SCARA3: variants seen among roughly 807,000 people sequenced by gnomAD.
The protein encoded by SCARA3 is cellular stress response gene protein.
Under a neutral mutation model 47.0 loss-of-function variants are expected in SCARA3, and 39 were observed. The ratio of observed to expected loss-of-function variants is 0.83; its 90% CI spans 0.64 to 1.08. The LOEUF (loss-of-function observed/expected upper bound fraction) is 1.08. Ranked by LOEUF, SCARA3 falls within the 50% of genes least tolerant of loss-of-function variation. SCARA3 has a pLI of 0.00. For synonymous variants in SCARA3, 356 were observed against 334.1 expected (o/e 1.07, Z -0.71); for missense variants, 724 against 792.3 (o/e 0.91, Z 1.04).
At chr8:27,679,021 G>A (rs1363466220), downstream of SCARA3, among the ~76,000 whole-genome samples, 1 of 152,128 alleles carries the variant, frequency 6.6e-6, no homozygotes, top group Non-Finnish European at 1.5e-5. Context: ...GAATCATACT[G>A]TATGATTCTC....
the SCARA3 span, among the ~76,000 whole-genome samples, chr8:27,693,979 C>T: frequency 6.6e-6 from 1 of 152,212 alleles, no homozygotes; most frequent in Non-Finnish European, 1.5e-5. Flanking sequence ...TAAAAGCCAG[C>T]TGTATCCAAC....
intron 5 of SCARA3, among the ~76,000 whole-genome samples, chr8:27,663,059 G>GTTCC (rs1801944678): frequency 6.6e-6 from 1 of 152,178 alleles, no homozygotes; most frequent in African/African-American, 2.4e-5. Context: ...TTTCAGTCAT[G>GTTCC]TTCCTTCCAC....
chr8:27,640,479 G>C (rs144112305), intron 1 of SCARA3, among the ~76,000 whole-genome samples: 72 of 152,030 alleles, frequency 4.7e-4, no homozygotes, highest in African/African-American at 1.4e-3. Context: ...TTGACCTCCT[G>C]GGCTCAAGGA....
chr8:27,693,174 A>T, the SCARA3 span, among the ~76,000 whole-genome samples: 5 of 151,818 alleles, frequency 3.3e-5, no homozygotes, highest in Non-Finnish European at 4.4e-5. Flanking sequence ...TCCACCTATG[A>T]CCTGAAACCC....
At chr8:27,709,229 G>A in the SCARA3 span, among the ~76,000 whole-genome samples, 3 of 152,206 alleles carry the variant, frequency 2.0e-5, no homozygotes, top group African/African-American at 7.2e-5. Flanking sequence ...GTCTTGTTGG[G>A]TGCAGGTTTC....
At chr8:27,729,048 G>A in the SCARA3 span, among the ~76,000 whole-genome samples, 1 of 152,178 alleles carries the variant, frequency 6.6e-6, no homozygotes, top group Admixed American at 6.5e-5. Context: ...CTAGGCAACA[G>A]AGCAAGACCC....
At chr8:27,685,124 G>A in the SCARA3 span, among the ~76,000 whole-genome samples, 3 of 152,032 alleles carry the variant, frequency 2.0e-5, no homozygotes, top group Non-Finnish European at 4.4e-5. Context: ...AAAGTCATAA[G>A]TACAGAATAT....
chr8:27,657,700 C>G (rs1801772628), intron 4 of SCARA3, among the ~76,000 whole-genome samples: 2 of 151,236 alleles, frequency 1.3e-5, no homozygotes, highest in African/African-American at 4.9e-5. Context: ...GCCAGCATGC[C>G]CGGCTAATTT....
intron 1 of SCARA3, among the ~76,000 whole-genome samples, chr8:27,648,711 C>G (rs1397733021): frequency 6.6e-6 from 1 of 151,884 alleles, no homozygotes; most frequent in Non-Finnish European, 1.5e-5. Context: ...AAACTACAGA[C>G]ATACTGCTAA....
At chr8:27,731,113 TTAAA>T in the SCARA3 span, among the ~76,000 whole-genome samples, 1 of 149,384 alleles carries the variant, frequency 6.7e-6, no homozygotes, top group African/African-American at 2.5e-5. Context: ...TTTTTTTTTT[TTAAA>T]TAGAGACAGG....
At chr8:27,697,860 G>A in the SCARA3 span, among the ~76,000 whole-genome samples, 3 of 152,116 alleles carry the variant, frequency 2.0e-5, no homozygotes, top group Admixed American at 6.5e-5. Flanking sequence ...ATGATTGTGA[G>A]GCCTCCCCAG....
At chr8:27,726,658 C>A in the SCARA3 span, among the ~76,000 whole-genome samples, 45 of 152,056 alleles carry the variant, frequency 3.0e-4, no homozygotes, top group African/African-American at 7.7e-4. Flanking sequence ...TGAGATTGTG[C>A]CACTGCACTC....
the SCARA3 span, among the ~76,000 whole-genome samples, chr8:27,687,502 C>T: frequency 6.6e-6 from 1 of 150,686 alleles, no homozygotes; most frequent in Non-Finnish European, 1.5e-5. Flanking sequence ...GTGAGAAAGA[C>T]AGAGAAAGGC....
At chr8:27,723,247 C>G in the SCARA3 span, among the ~76,000 whole-genome samples, 1 of 152,186 alleles carries the variant, frequency 6.6e-6, no homozygotes, top group South Asian at 2.1e-4. Flanking sequence ...GAAGTTCACC[C>G]CTGAGCTGAT....
the SCARA3 span, among the ~76,000 whole-genome samples, chr8:27,715,912 A>G: frequency 6.6e-6 from 1 of 152,346 alleles, no homozygotes; most frequent in Non-Finnish European, 1.5e-5. The surrounding 1 kb of genome is among the most constrained non-coding windows in gnomAD (Gnocchi z 4.2). Context: ...AAAAATAGAA[A>G]TGCAAAGGGG....
intron 1 of SCARA3, among the ~76,000 whole-genome samples, chr8:27,634,761 G>A (rs990914190): frequency 2.6e-5 from 4 of 152,174 alleles, no homozygotes; most frequent in Non-Finnish European, 4.4e-5. Context: ...GGAGGAAGCC[G>A]CCGGGGAAGC....
At chr8:27,647,637 C>T (rs1357968513) in intron 1 of SCARA3, among the ~76,000 whole-genome samples, 3 of 152,188 alleles carry the variant, frequency 2.0e-5, no homozygotes, top group Admixed American at 6.5e-5. Flanking sequence ...AAGAGAGCTG[C>T]CGCATGGACA....
chr8:27,698,076 G>A, the SCARA3 span, among the ~76,000 whole-genome samples: 1 of 152,178 alleles, frequency 6.6e-6, no homozygotes. Flanking sequence ...AGTGGAAATA[G>A]CCTTCAGAAA....
Position 27,634,163 on chromosome 8 carries a change from T to G in SCARA3, c.-38T>G. On this transcript the variant is annotated 5_prime_UTR_variant, in exon 1 of 6. Coordinates refer to ENST00000301904, the MANE Select transcript of SCARA3 (RefSeq NM_016240.3). ...CGGCTCCACTACAGCTCCAGCCGCC[T>G]GCAGCGGGGCCCTCCTGAGGCCCCA... 1 of 1,449,868 alleles carries G rather than the reference T, an allele frequency of 6.9e-7. No homozygotes were observed. Among genetic ancestry groups the G allele is most frequent in the Non-Finnish European group, 9.0e-7 (1 of 1,105,594 alleles). 89.8% of individuals were successfully genotyped at this position (1,449,868 alleles called of 1,614,324 possible). A position where few individuals can be genotyped will look rare whatever the true frequency, so the allele number is the denominator to read the frequency against.
Sources: allele counts gnomAD v4.1 joint callset (sites outside exome capture counted in the v4.1 genomes callset), GRCh38; gene constraint gnomAD v4.1.1; non-coding constraint Gnocchi (gnomAD v3.1); transcripts MANE v1.5; gene names NCBI Gene and HGNC (gene_info 2026-07-23, HGNC 2026-07-21).